The following AGBL4 variants were observed in gnomAD, a reference collection of about 807,000 sequenced individuals.
AGBL4 encodes cytosolic carboxypeptidase 6.
Under a neutral mutation model 66.4 loss-of-function variants are expected in AGBL4, and 58 were observed. That is an observed-to-expected ratio of 0.87 (90% CI 0.71 to 1.09). AGBL4 has a LOEUF of 1.09. AGBL4 is among the 50% of genes least tolerant of loss of function. The pLI is 0.00. For missense variants in AGBL4, 579 were observed against 631.0 expected, an observed-to-expected ratio of 0.92 and a Z score of 0.88; for synonymous variants, 234 against 222.9, an observed-to-expected ratio of 1.05 and a Z score of -0.44.
At chr1:49,997,772 T>C (rs1176044102) in intron 1 of AGBL4, among the ~76,000 whole-genome samples, 1 of 152,154 alleles carries the variant, frequency 6.6e-6, no homozygotes, top group Admixed American at 6.5e-5. Flanking sequence ...AATCAGCATA[T>C]GGAACATTAT....
chr1:48,702,293 G>GTTTTGTT (rs1272783591), intron 6 of AGBL4, among the ~76,000 whole-genome samples: 8 of 151,004 alleles, frequency 5.3e-5, no homozygotes, highest in Non-Finnish European at 4.4e-5. Flanking sequence ...TTTTTGTTTT[G>GTTTTGTT]TTTTGTTTTT....
intron 11 of AGBL4, chr1:48,584,702 T>A (rs1557805817): frequency 6.6e-6 from 1 of 152,288 alleles, no homozygotes; most frequent in East Asian, 1.9e-4. Flanking sequence ...GGTAACAGAG[T>A]GAGACTCCAT....
chr1:49,026,640 T>C (rs1412909579), intron 5 of AGBL4, among the ~76,000 whole-genome samples: 5 of 152,214 alleles, frequency 3.3e-5, no homozygotes, highest in Non-Finnish European at 4.4e-5. Context: ...GCATGGTCCC[T>C]GTCCTCACAC....
At chr1:49,907,183 T>C (rs975403754) in intron 1 of AGBL4, among the ~76,000 whole-genome samples, 3 of 152,160 alleles carry the variant, frequency 2.0e-5, no homozygotes, top group African/African-American at 7.2e-5. Flanking sequence ...TTCATTTAAC[T>C]TAACTAAGTG....
At chr1:48,680,836 G>A (rs867825618) in intron 6 of AGBL4, among the ~76,000 whole-genome samples, 3 of 152,188 alleles carry the variant, frequency 2.0e-5, no homozygotes, top group African/African-American at 7.2e-5. Context: ...AACAAAGGGC[G>A]AGAGTGCAAC....
intron 5 of AGBL4, among the ~76,000 whole-genome samples, chr1:48,921,583 G>A (rs1654082247): frequency 6.6e-6 from 1 of 152,110 alleles, no homozygotes; most frequent in African/African-American, 2.4e-5. Context: ...GATGCTCACT[G>A]CTCTAGCCCA....
intron 4 of AGBL4, among the ~76,000 whole-genome samples, chr1:49,204,896 A>G (rs1026338392): frequency 2.0e-5 from 3 of 152,092 alleles, no homozygotes; most frequent in Non-Finnish European, 2.9e-5. Context: ...CAGCTTTTCT[A>G]ATGACATCAT....
intron 6 of AGBL4, among the ~76,000 whole-genome samples, chr1:48,678,237 C>T (rs1007106519): frequency 6.6e-6 from 1 of 152,172 alleles, no homozygotes; most frequent in African/African-American, 2.4e-5. Context: ...TCCCGCCGCC[C>T]CCGCCCTTCT....
intron 5 of AGBL4, among the ~76,000 whole-genome samples, chr1:48,996,678 G>A (rs984604168): frequency 6.6e-6 from 1 of 152,026 alleles, no homozygotes; most frequent in Admixed American, 6.6e-5. Flanking sequence ...AAAGTTAAGA[G>A]TGGAAAGAGA....
chr1:49,132,917 C>T (rs1283214094), intron 4 of AGBL4, among the ~76,000 whole-genome samples: 1 of 152,170 alleles, frequency 6.6e-6, no homozygotes, highest in African/African-American at 2.4e-5. Flanking sequence ...ATAAATCATT[C>T]TACTATAAAG....
intron 2 of AGBL4, among the ~76,000 whole-genome samples, chr1:49,801,920 A>T (rs558574569): frequency 2.0e-5 from 3 of 152,240 alleles, no homozygotes; most frequent in African/African-American, 7.2e-5. Context: ...TGTTTTTAGA[A>T]GTGTCCTGTA....
chr1:49,724,766 G>C (rs1381130365), intron 2 of AGBL4, among the ~76,000 whole-genome samples: 3 of 151,330 alleles, frequency 2.0e-5, no homozygotes, highest in East Asian at 1.9e-4. Context: ...ACACCAGAAA[G>C]ATATATATAT....
intron 1 of AGBL4, among the ~76,000 whole-genome samples, chr1:49,930,486 A>G (rs1653223407): frequency 1.3e-5 from 2 of 152,156 alleles, no homozygotes; most frequent in Admixed American, 1.3e-4. Flanking sequence ...AAGAAAATAA[A>G]ACTACAGACC....
chr1:49,280,159 G>A (rs916028941), intron 3 of AGBL4, among the ~76,000 whole-genome samples: 1 of 151,948 alleles, frequency 6.6e-6, no homozygotes, highest in Non-Finnish European at 1.5e-5. Flanking sequence ...CACGCAGAAG[G>A]ACCATTTCCC....
chr1:49,550,029 C>G (rs1317563950), intron 3 of AGBL4, among the ~76,000 whole-genome samples: 1 of 152,122 alleles, frequency 6.6e-6, no homozygotes, highest in African/African-American at 2.4e-5. Context: ...TTTACCATTA[C>G]ATAATGTCCC....
At chr1:49,601,590 C>T (rs1425187646) in intron 3 of AGBL4, among the ~76,000 whole-genome samples, 1 of 152,054 alleles carries the variant, frequency 6.6e-6, no homozygotes, top group African/African-American at 2.4e-5. Context: ...ATGACAAAAA[C>T]AAGCAATGGG....
chr1:49,726,910 T>C (rs1649073551), intron 2 of AGBL4, among the ~76,000 whole-genome samples: 1 of 152,140 alleles, frequency 6.6e-6, no homozygotes, highest in African/African-American at 2.4e-5. Flanking sequence ...CCTCTCTATT[T>C]GCAATTTTTT....
downstream of AGBL4, among the ~76,000 whole-genome samples, chr1:48,528,382 A>G (rs1337572568): frequency 1.3e-5 from 2 of 152,164 alleles, no homozygotes; most frequent in Non-Finnish European, 2.9e-5. Context: ...AGAGAAGCAG[A>G]TTTGGACTTA....
chr1:48,586,287 T>C (rs1308768701), intron 11 of AGBL4: 1 of 151,982 alleles, frequency 6.6e-6, no homozygotes, highest in Non-Finnish European at 1.5e-5. Flanking sequence ...GAAAAGGAAT[T>C]TGTCAAAGGA....
Sources: gnomAD v4.1 joint callset for allele counts (sites outside exome capture counted in the v4.1 genomes callset) on GRCh38, gnomAD v4.1.1 for gene constraint, MANE v1.5 for transcripts, NCBI Gene and HGNC (gene_info 2026-07-23, HGNC 2026-07-21) for gene names.